Variants in UMODL1 observed in about 807,000 individuals in gnomAD.
UMODL1 encodes uromodulin-like 1.
UMODL1 carries 128 observed loss-of-function variants against 136.3 expected under a neutral mutation model. The observed-to-expected ratio is 0.94, with a 90% CI of 0.81 to 1.09. The LOEUF (loss-of-function observed/expected upper bound fraction) is 1.09. Ranked by LOEUF, UMODL1 falls within the 50% of genes least tolerant of loss-of-function variation. The pLI is 0.00. For missense variants in UMODL1, 1,766 were observed against 1,725.6 expected (o/e 1.02, Z -0.41); for synonymous variants, 721 against 720.0 (o/e 1.00, Z -0.02).
chr21:42,106,126 C>T (rs994595546), intron 9 of UMODL1, among the ~76,000 whole-genome samples: 11 of 152,156 alleles, frequency 7.2e-5, no homozygotes, highest in Non-Finnish European at 1.2e-4. Context: ...GCCGGGGAGG[C>T]GGCCCTGCCT....
intron 9 of UMODL1, chr21:42,108,357 T>C: frequency 1.9e-6 from 1 of 525,042 alleles, no homozygotes; most frequent in South Asian, 1.4e-5. Flanking sequence ...AGCAGTGTTC[T>C]GATGGCAAGG....
intron 13 of UMODL1, 142 bp downstream of exon 13, chr21:42,113,972 C>A (rs2066872321): frequency 8.2e-7 from 1 of 1,217,106 alleles, no homozygotes; most frequent in Non-Finnish European, 1.1e-6. Context: ...ATCCGGCTGG[C>A]TTCAGCAGGC....
At chr21:42,091,383 C>G (rs1203894352) in intron 6 of UMODL1, among the ~76,000 whole-genome samples, 3 of 152,176 alleles carry the variant, frequency 2.0e-5, no homozygotes, top group African/African-American at 7.2e-5. Context: ...GATAAACGTG[C>G]CCAGGTCTGT....
Position 42,109,700 on chromosome 21 carries a change from G to A in UMODL1, c.1657+1G>A, listed in dbSNP as rs201057016. On this transcript the variant is annotated splice_donor_variant, in intron 10 of 22. Coordinates refer to ENST00000408910, the MANE Select transcript of UMODL1 (RefSeq NM_001004416.3). LOFTEE classifies it high-confidence loss of function. Reference sequence around the variant, plus strand: ...TCCCGCGCAGGCCGGGCCTGTGAGGGTACGTGTCGACCCCCCTGCCGACTC... The same window carrying A: ...TCCCGCGCAGGCCGGGCCTGTGAGGATACGTGTCGACCCCCCTGCCGACTC... The A allele has an allele frequency of 1.1e-4, 169 of 1,601,216 alleles. No homozygotes were observed. Among genetic ancestry groups the A allele is most frequent in the Admixed American group, 5.2e-4 (31 of 59,978 alleles).
intron 14 of UMODL1, among the ~76,000 whole-genome samples, 180 bp from the exon 15 acceptor site, chr21:42,118,931 G>A (rs1077105): frequency 0.016 from 2,411 of 152,330 alleles, 54 homozygotes; most frequent in African/African-American, 0.055. Context: ...ACTCCCAGGC[G>A]TTTGTGCTGG....
At chr21:42,119,883 C>T (rs1015835163) in intron 15 of UMODL1, among the ~76,000 whole-genome samples, 6 of 151,990 alleles carry the variant, frequency 3.9e-5, no homozygotes, top group East Asian at 1.9e-4. Flanking sequence ...TAGAGGAAAA[C>T]GATGAGATGC....
intron 21 of UMODL1, among the ~76,000 whole-genome samples, chr21:42,133,437 G>C (rs975659138): frequency 1.3e-5 from 2 of 152,214 alleles, no homozygotes; most frequent in Admixed American, 1.3e-4. Context: ...TCCTCTCTCT[G>C]TCTCCTGGGG....
At chr21:42,127,978 C>T (rs563606079) in intron 20 of UMODL1, 147 bp downstream of exon 20, 31 of 1,037,216 alleles carry the variant, frequency 3.0e-5, no homozygotes, top group African/African-American at 7.9e-5. Flanking sequence ...GCAGACTCCG[C>T]GTCTGAAATG....
intron 21 of UMODL1, among the ~76,000 whole-genome samples, chr21:42,135,569 A>AC (rs1225693054): frequency 2.6e-5 from 4 of 151,888 alleles, no homozygotes; most frequent in East Asian, 3.9e-4. Flanking sequence ...TCAGGGCGGC[A>AC]CCCCCCCTTG....
intron 21 of UMODL1, among the ~76,000 whole-genome samples, chr21:42,134,994 G>A (rs972402345): frequency 6.6e-6 from 1 of 152,156 alleles, no homozygotes; most frequent in African/African-American, 2.4e-5. Context: ...GTGTACATGT[G>A]CCACGGTGGT....
chr21:42,088,504 T>C (rs2066453952), intron 5 of UMODL1, 24 bp downstream of exon 5: 1 of 1,578,184 alleles, frequency 6.3e-7, no homozygotes, highest in Admixed American at 1.7e-5. Context: ...CAATCCTCCC[T>C]CTGGGGAGGC....
Position 42,121,130 on chromosome 21 carries a change from G to C in UMODL1, c.2733G>C (p.Gly911=), listed in dbSNP as rs773993280. 164 of 1,614,012 alleles carry C rather than the reference G, an allele frequency of 1.0e-4. No individual in the cohort carries two copies. Among genetic ancestry groups the C allele is most frequent in the Non-Finnish European group, 1.3e-4 (153 of 1,180,016 alleles). ...GGAAGGAGGACGACTGTGTGCCGGG[G>C]ACATCCTGTCGAAACACCCTCGGGT... ...CERKEDDCVP[G]TSCRNTLGSF... is the part of the protein sequence containing the mutation. The change falls in exon 16 of 23, where the codon GGG becomes GGC. Residue 911 remains glycine (G), a synonymous_variant. Coordinates refer to ENST00000408910, the MANE Select transcript of UMODL1 (RefSeq NM_001004416.3).
At position 42,065,226 on chromosome 21, in the gene UMODL1, G is replaced by A. The variant is rs768424370; in HGVS notation, c.-141+2012G>A. 4.3e-4 allele frequency among the ~76,000 whole-genome samples: 66 copies of A among 152,186 alleles called. 1 individual carries two copies. The highest frequency in any genetic ancestry group is 2.9e-4 in the Non-Finnish European group (20 of 68,032). On this transcript the variant is annotated intron_variant, in intron 1 of 22. Coordinates refer to the UMODL1 transcript ENST00000400424. ...GGGAACGATCCCCTCTGAGTTTGGC[G>A]TCACTTATTTGGAACCCTCCAGCAG...
rs987231885 is a variant in UMODL1 at position 42,099,305 on chromosome 21, C to T, written c.1186+125C>T. Reference sequence around the variant, plus strand: ...GCACCAGAAGTCACTGACCGCCCTGCACTTCCTCCCTCCCCTCCCAGTCAT... The same window carrying T: ...GCACCAGAAGTCACTGACCGCCCTGTACTTCCTCCCTCCCCTCCCAGTCAT... On this transcript the variant is annotated intron_variant, in intron 7 of 22. Transcript: ENST00000408910. The surrounding 1 kb of genome is among the most constrained non-coding windows in gnomAD (Gnocchi z 4.1). 3.0e-6 allele frequency: 4 copies of T among 1,349,950 alleles called. No individual in the cohort carries two copies. Among genetic ancestry groups the T allele is most frequent in the South Asian group, 3.0e-5 (2 of 67,140 alleles). 83.6% of individuals were successfully genotyped at this position (1,349,950 alleles called of 1,614,324 possible).
chr21:42,068,382 C>T (rs1729115852), upstream of UMODL1, among the ~76,000 whole-genome samples: 1 of 152,202 alleles, frequency 6.6e-6, no homozygotes, highest in East Asian at 1.9e-4. This position sits in a 1 kb window ranked among gnomAD's most constrained non-coding sequence, Gnocchi z 5.5. Context: ...CCCACACACA[C>T]CCCGAGAAAC....
intron 9 of UMODL1, among the ~76,000 whole-genome samples, chr21:42,104,746 G>A (rs939608830): frequency 5.3e-5 from 8 of 152,126 alleles, no homozygotes; most frequent in Admixed American, 2.0e-4. Context: ...CACCGCGCCC[G>A]GCCTCTGTGG....
chr21:42,099,296 A>C lies in UMODL1; in HGVS notation c.1186+116A>C. 1 of 1,395,442 alleles carries C rather than the reference A, an allele frequency of 7.2e-7. No homozygotes were observed. Among genetic ancestry groups the C allele is most frequent in the Non-Finnish European group, 9.5e-7 (1 of 1,049,900 alleles). The allele number at this position is 1,395,442 out of a possible 1,614,324, so 86.4% of individuals were successfully genotyped here. A position where few individuals can be genotyped will look rare whatever the true frequency, so the allele number is the denominator to read the frequency against. ...ATAACCAGGGCACCAGAAGTCACTG[A>C]CCGCCCTGCACTTCCTCCCTCCCCT... On this transcript the variant is annotated intron_variant, in intron 7 of 22. Coordinates refer to ENST00000408910, the MANE Select transcript of UMODL1 (RefSeq NM_001004416.3). This position sits in a 1 kb window ranked among gnomAD's most constrained non-coding sequence, Gnocchi z 4.1.
At chr21:42,101,600 G>C in intron 7 of UMODL1, 1 of 404,510 alleles carries the variant, frequency 2.5e-6, no homozygotes, top group Non-Finnish European at 4.9e-6. Flanking sequence ...AGTAATGAAA[G>C]ATGAATATTC....
In UMODL1 at chr21:42,123,575, G is replaced by A. The variant is rs2146531307; in HGVS notation, c.3147+425G>A. On this transcript the variant is annotated intron_variant, in intron 17 of 22. Transcript: ENST00000408910. The surrounding 1 kb of genome is among the most constrained non-coding windows in gnomAD (Gnocchi z 4.4). ...TGCATGTGTGTGAATGTGTGTAAAT[G>A]TGTGAATCTGTGTGTGCGAATGTGT... Among the ~76,000 whole-genome samples, 1 of 152,028 alleles carries A rather than the reference G, an allele frequency of 6.6e-6. No individual in the cohort carries two copies. Among genetic ancestry groups the A allele is most frequent in the East Asian group, 1.9e-4 (1 of 5,174 alleles).
Sources: allele counts gnomAD v4.1 joint callset (sites outside exome capture counted in the v4.1 genomes callset), GRCh38; gene constraint gnomAD v4.1.1; non-coding constraint Gnocchi (gnomAD v3.1); transcripts MANE v1.5; gene names NCBI Gene and HGNC (gene_info 2026-07-23, HGNC 2026-07-21).